GOLGA4: variants seen among roughly 807,000 people sequenced by gnomAD.
GOLGA4 encodes golgin subfamily A member 4.
GOLGA4 carries 169 observed loss-of-function variants against 265.9 expected under a neutral mutation model. The observed-to-expected ratio is 0.64, with a 90% CI of 0.56 to 0.72. The LOEUF (loss-of-function observed/expected upper bound fraction) is 0.72, where lower values mean the gene tolerates loss of function less well. Ranked by LOEUF, GOLGA4 falls within the 30% of genes least tolerant of loss-of-function variation. GOLGA4 has a pLI of 0.00. For missense variants in GOLGA4, 2,482 were observed against 2,483.4 expected (o/e 1.00, Z 0.01); for synonymous variants, 923 against 855.8 (o/e 1.08, Z -1.37).
intron 16 of GOLGA4, among the ~76,000 whole-genome samples, chr3:37,330,050 T>C (rs2096984935): frequency 6.6e-6 from 1 of 152,126 alleles, no homozygotes. Context: ...TTCTTGAGCT[T>C]TATATGTCAT....
intron 2 of GOLGA4, among the ~76,000 whole-genome samples, chr3:37,256,785 A>AATATAT (rs2096749931): frequency 1.3e-5 from 2 of 152,106 alleles, no homozygotes; most frequent in African/African-American, 4.8e-5. Flanking sequence ...AACTAGGGCA[A>AATATAT]ATGAAGCTAA....
At chr3:37,280,425 A>T (rs1156845863) in intron 2 of GOLGA4, among the ~76,000 whole-genome samples, 1 of 152,184 alleles carries the variant, frequency 6.6e-6, no homozygotes, top group Non-Finnish European at 1.5e-5. Context: ...CCTTCAGGCT[A>T]TCTGTATAAG....
In GOLGA4 at chr3:37,315,539, C is replaced by T. The variant is rs141244862; in HGVS notation, c.1354C>T (p.Arg452Cys). ...KTIEKTSEEE[R>C]ISLQQELSRV... ...TATCGAAAAAACAAGTGAGGAGGAA[C>T]GCATCAGTCTTCAACAGGAATTAAG... The change falls in exon 11 of 24, where the codon CGC (arginine) becomes TGC (cysteine). Residue 452 changes from arginine to cysteine, a missense_variant. By Grantham distance (180) the Arg-to-Cys change is radical. Around this residue, in one of 3 missense-constraint regions of GOLGA4, gnomAD observed 1,536 missense variants for 1,483.7 expected, o/e 1.04. Coordinates refer to ENST00000361924, the MANE Select transcript of GOLGA4 (RefSeq NM_002078.5). 2.9e-4 allele frequency: 462 copies of T among 1,613,702 alleles called. No individual in the cohort carries two copies. The East Asian group carries it at 5.9e-3, about 20-fold the overall frequency.
At position 37,325,846 on chromosome 3, in the gene GOLGA4, A is replaced by G. The variant is rs748998127; in HGVS notation, c.3960A>G (p.Lys1320=). 2 of 1,613,668 alleles carry G rather than the reference A, an allele frequency of 1.2e-6. No individual in the cohort carries two copies. Among genetic ancestry groups the G allele is most frequent in the Non-Finnish European group, 8.5e-7 (1 of 1,179,704 alleles). The change falls in exon 14 of 24, where the codon AAA becomes AAG. Residue 1320 remains lysine (K), a synonymous_variant. Coordinates refer to ENST00000361924, the MANE Select transcript of GOLGA4 (RefSeq NM_002078.5). ...ATATTGAAAGTCTTGTAACAGAAAA[A>G]GAAGCCTTACAGAAGGAAGGAGGCA... ...KADIESLVTE[K]EALQKEGGNQ...
Position 37,282,006 on chromosome 3 carries a change from TC to T in GOLGA4, c.213del (p.Val72TrpfsTer9). On this transcript the variant is annotated frameshift_variant, in exon 3 of 24. Transcript: ENST00000361924. LOFTEE classifies it high-confidence loss of function. Reference protein sequence around the residue: ...FAQKLQLRVPSVESLFRSPIK... With the variant: ...FAQKLQLRVPXVESLFRSPIK... ...ACAGAAGCTCCAGCTCCGGGTGCCCTCCGTGGAGTCTTTGTTTCGAAGTCCG... is the reference window on the plus strand; with the variant it reads ...ACAGAAGCTCCAGCTCCGGGTGCCCTCGTGGAGTCTTTGTTTCGAAGTCCG... 1 of 1,614,104 alleles carries T rather than the reference TC, an allele frequency of 6.2e-7. No individual in the cohort carries two copies. Among genetic ancestry groups the T allele is most frequent in the East Asian group, 2.2e-5 (1 of 44,878 alleles).
At position 37,291,228 on chromosome 3, in the gene GOLGA4, TA is replaced by T. The variant is rs113752242; in HGVS notation, c.582+1938del. 2.8e-3 allele frequency among the ~76,000 whole-genome samples: 432 copies of T among 152,324 alleles called. 5 individuals carry two copies. Among genetic ancestry groups the T allele is most frequent in the African/African-American group, 9.5e-3 (395 of 41,574 alleles). ...TATGCATTGAATAAAGACACAGGAA[TA>T]CCTCTTTATAATGTTATTATATCTG... On this transcript the variant is annotated intron_variant, in intron 5 of 23. Transcript: ENST00000361924.
At chr3:37,295,485 T>G (rs1559394130) in intron 6 of GOLGA4, among the ~76,000 whole-genome samples, 1 of 152,204 alleles carries the variant, frequency 6.6e-6, no homozygotes. Flanking sequence ...TCCCAAAGTG[T>G]TGGGATTATA....
intron 10 of GOLGA4, 143 bp from the exon 11 acceptor site, chr3:37,315,277 A>G: frequency 1.5e-6 from 1 of 686,566 alleles, no homozygotes; most frequent in South Asian, 2.1e-5. Context: ...CAACAACTCC[A>G]GTATCTCTTG....
intron 20 of GOLGA4, among the ~76,000 whole-genome samples, chr3:37,342,017 A>T (rs1222304115): frequency 1.3e-5 from 2 of 152,148 alleles, no homozygotes; most frequent in African/African-American, 2.4e-5. Context: ...TGCAGTATGT[A>T]CATTAATCTC....
Position 37,258,418 on chromosome 3 carries a change from C to T in GOLGA4, c.162+6934C>T, listed in dbSNP as rs111771330. ...TCTCAGCTCACTGCAACCTCTACCTCCCAGGTTCAAGTGATTCTCCTGCCT... is the reference window on the plus strand; with the variant it reads ...TCTCAGCTCACTGCAACCTCTACCTTCCAGGTTCAAGTGATTCTCCTGCCT... On this transcript the variant is annotated intron_variant, in intron 2 of 23. Coordinates refer to ENST00000361924, the MANE Select transcript of GOLGA4 (RefSeq NM_002078.5). 2.9e-3 allele frequency among the ~76,000 whole-genome samples: 440 copies of T among 152,052 alleles called. 5 individuals carry two copies. The highest frequency in any genetic ancestry group is 9.7e-3 in the African/African-American group (403 of 41,464).
chr3:37,280,504 A>C (rs1350783301), intron 2 of GOLGA4, among the ~76,000 whole-genome samples: 1 of 152,186 alleles, frequency 6.6e-6, no homozygotes, highest in African/African-American at 2.4e-5. Flanking sequence ...CTCACTATCT[A>C]TATGCAGATA....
In GOLGA4 at chr3:37,361,248, T is replaced by C. The variant is rs1269158624; in HGVS notation, c.6669T>C (p.Thr2223=). The change falls in exon 23 of 24, where the codon ACT becomes ACC. Residue 2223 remains threonine (T), a synonymous_variant. Transcript: ENST00000361924. The stretch of plus-strand genomic sequence containing the variant: ...TTTTCTTCCTGGCTTTGTAGTTTAC[T>C]TCACCTCGCAGTGGTATCTTCTGAG... ...LEREDARLMF[T]SPRSGIF is the part of the protein sequence containing the mutation. 1.2e-6 allele frequency: 2 copies of C among 1,612,506 alleles called. No individual in the cohort carries two copies. The highest frequency in any genetic ancestry group is 1.1e-5 in the South Asian group (1 of 91,026).
chr3:37,358,855 T>G (rs17036273), intron 22 of GOLGA4, among the ~76,000 whole-genome samples: 5,836 of 152,184 alleles, frequency 0.038, 145 homozygotes, highest in African/African-American at 0.056. Flanking sequence ...CATGCGACAT[T>G]GCTGGGATGA....
At chr3:37,268,217 G>A (rs900610938) in intron 2 of GOLGA4, among the ~76,000 whole-genome samples, 1 of 152,032 alleles carries the variant, frequency 6.6e-6, no homozygotes, top group Non-Finnish European at 1.5e-5. Context: ...AAGTATGTGG[G>A]ACCACAGACA....
chr3:37,287,352 G>T (rs181400470), intron 4 of GOLGA4, among the ~76,000 whole-genome samples: 300 of 152,248 alleles, frequency 2.0e-3, no homozygotes, highest in Non-Finnish European at 3.3e-3. Flanking sequence ...AAAAAGAAAA[G>T]ATAAAATTCA....
At chr3:37,359,698 TCATTTTCTTCC>T (rs2097099562) in intron 22 of GOLGA4, among the ~76,000 whole-genome samples, 1 of 152,196 alleles carries the variant, frequency 6.6e-6, no homozygotes, top group African/African-American at 2.4e-5. Context: ...TCTTAACGTC[TCATTTTCTTCC>T]CCTGTTGGAA....
intron 10 of GOLGA4, chr3:37,302,611 T>C: frequency 7.0e-6 from 2 of 286,276 alleles, no homozygotes; most frequent in Non-Finnish European, 1.3e-5. Flanking sequence ...ACAGAGACCA[T>C]ATGTGGTCTA....
At position 37,279,714 on chromosome 3, in the gene GOLGA4, C is replaced by T. The variant is rs568441980; in HGVS notation, c.163-2244C>T. 5.1e-3 allele frequency among the ~76,000 whole-genome samples: 770 copies of T among 152,168 alleles called. 3 individuals are homozygous for T. Among genetic ancestry groups the T allele is most frequent in the Middle Eastern group, 0.014 (4 of 294 alleles). Reference sequence around the variant, plus strand: ...CTGAGGTCAGGAGTTCGAGACCAGCCGGGCCAACGTGGTGAAATCTCCTCT... The same window carrying T: ...CTGAGGTCAGGAGTTCGAGACCAGCTGGGCCAACGTGGTGAAATCTCCTCT... On this transcript the variant is annotated intron_variant, in intron 2 of 23. Transcript: ENST00000361924.
chr3:37,361,391 T>C, intron 23 of GOLGA4, 86 bp downstream of exon 23: 1 of 872,702 alleles, frequency 1.1e-6, no homozygotes. Flanking sequence ...ATTCTTTTGC[T>C]CTTGTTTAAT....
Sources: allele counts gnomAD v4.1 joint callset (sites outside exome capture counted in the v4.1 genomes callset), GRCh38; gene constraint gnomAD v4.1.1; regional missense constraint gnomAD v4.1.1; transcripts MANE v1.5; gene names NCBI Gene and HGNC (gene_info 2026-07-23, HGNC 2026-07-21).